Variants in ST3GAL1 observed in about 807,000 individuals in gnomAD.
ST3GAL1 encodes ST3 beta-galactoside alpha-2,3-sialyltransferase 1.
In ST3GAL1, 16 loss-of-function variants were observed where a neutral mutation model predicts 34.1. The observed-to-expected ratio is 0.47, with a 90% CI of 0.32 to 0.71. The LOEUF (loss-of-function observed/expected upper bound fraction) is 0.71. Among genes scored for constraint, ST3GAL1 ranks in the 30% least tolerant of loss-of-function variants. The probability of loss-of-function intolerance (pLI) is 0.04; values close to 1 mark genes in which losing one functional copy is unlikely to be tolerated. For missense variants in ST3GAL1, 353 were observed against 447.4 expected, an observed-to-expected ratio of 0.79 and a Z score of 1.90; for synonymous variants, 191 against 184.7, an observed-to-expected ratio of 1.03 and a Z score of -0.28.
intron 1 of ST3GAL1, among the ~76,000 whole-genome samples, chr8:133,567,946 A>G (rs1177629241): frequency 6.9e-6 from 1 of 144,474 alleles, no homozygotes; most frequent in East Asian, 2.0e-4. Context: ...TTTTTGAGAC[A>G]GTCTCACTCT....
intron 1 of ST3GAL1, among the ~76,000 whole-genome samples, chr8:133,555,071 G>C (rs1169724542): frequency 6.6e-6 from 1 of 152,122 alleles, no homozygotes; most frequent in South Asian, 2.1e-4. Context: ...GGAGACAAGG[G>C]AATGGGAAGG....
chr8:133,548,078 T>C (rs1818721130), intron 1 of ST3GAL1, among the ~76,000 whole-genome samples: 1 of 152,190 alleles, frequency 6.6e-6, no homozygotes, highest in South Asian at 2.1e-4. Flanking sequence ...ACTTAGAAGA[T>C]ACATGAACAT....
Position 133,571,601 on chromosome 8 carries a change from C to T in ST3GAL1, c.-582+92G>A, listed in dbSNP as rs1376884053. On this transcript the variant is annotated intron_variant, in intron 1 of 9. Transcript: ENST00000522652. The surrounding 1 kb of genome is among the most constrained non-coding windows in gnomAD (Gnocchi z 6.7). ...GGTCCAGACAATCAACCTTCCACTCCGAGAATCCACAGGAAACTGCCCGAG... is the reference window on the plus strand; with the variant it reads ...GGTCCAGACAATCAACCTTCCACTCTGAGAATCCACAGGAAACTGCCCGAG... The T allele has an allele frequency of 1.3e-5, 2 of 152,694 alleles. No homozygotes were observed. The highest frequency in any genetic ancestry group is 2.1e-4 in the South Asian group (1 of 4,838). The allele number at this position is 152,694 out of a possible 1,614,324, so 9.5% of individuals were successfully genotyped here.
chr8:133,536,540 T>C (rs1818316610), intron 2 of ST3GAL1, among the ~76,000 whole-genome samples: 1 of 152,176 alleles, frequency 6.6e-6, no homozygotes. Context: ...TGGTTCACCA[T>C]GGAAAGCCCC....
Position 133,541,120 on chromosome 8 carries a change from T to TATATATAGAGAG in ST3GAL1, c.-429+4653_-429+4654insCTCTCTATATAT, listed in dbSNP as rs71299078. Reference sequence around the variant, plus strand: ...ACATATATATATATATATATATATATAGAGAGAGAGAGAGAGAGAGAGAGA... The same window carrying TATATATAGAGAG: ...ACATATATATATATATATATATATATATATATAGAGAGAGAGAGAGAGAGAGAGAGAGAGAGA... On this transcript the variant is annotated intron_variant, in intron 2 of 9. Transcript: ENST00000522652. Among the ~76,000 whole-genome samples the TATATATAGAGAG allele has an allele frequency of 4.7e-4, 23 of 48,642 alleles. 1 individual carries two copies. Among genetic ancestry groups the TATATATAGAGAG allele is most frequent in the African/African-American group, 1.7e-3 (17 of 10,136 alleles). The allele number at this position is 48,642 out of a possible 152,430, so 31.9% of individuals were successfully genotyped here. A position where few individuals can be genotyped will look rare whatever the true frequency, so the allele number is the denominator to read the frequency against.
At chr8:133,521,339 C>G (rs76107155) in intron 2 of ST3GAL1, among the ~76,000 whole-genome samples, 44 of 152,102 alleles carry the variant, frequency 2.9e-4, no homozygotes, top group African/African-American at 1.1e-3. Context: ...TGCTCTATTG[C>G]CCAGGCTAGA....
At chr8:133,483,371 C>A (rs2896714) in intron 3 of ST3GAL1, among the ~76,000 whole-genome samples, 1 of 151,852 alleles carries the variant, frequency 6.6e-6, no homozygotes, top group Non-Finnish European at 1.5e-5. Flanking sequence ...AATGCTCACA[C>A]GAAGCGTTGC....
At chr8:133,542,224 A>T (rs1275509514) in intron 2 of ST3GAL1, among the ~76,000 whole-genome samples, 1 of 152,112 alleles carries the variant, frequency 6.6e-6, no homozygotes, top group Non-Finnish European at 1.5e-5. Context: ...GTTTCTAAAC[A>T]CCATTTTCCA....
chr8:133,562,746 C>T (rs1181831425), intron 1 of ST3GAL1, among the ~76,000 whole-genome samples: 2 of 151,860 alleles, frequency 1.3e-5, no homozygotes, highest in Admixed American at 6.6e-5. Flanking sequence ...TTTTGGGCTC[C>T]AGTCGAGTCT....
chr8:133,511,620 T>C (rs565640778), intron 2 of ST3GAL1, among the ~76,000 whole-genome samples: 16 of 152,198 alleles, frequency 1.1e-4, no homozygotes, highest in Admixed American at 2.6e-4. Flanking sequence ...TCCGGAGTGA[T>C]GCCAACGTGC....
At chr8:133,518,553 C>T (rs1223871611) in intron 2 of ST3GAL1, among the ~76,000 whole-genome samples, 1 of 152,200 alleles carries the variant, frequency 6.6e-6, no homozygotes, top group Non-Finnish European at 1.5e-5. Context: ...GAGACTGACA[C>T]ATACCAATTA....
intron 1 of ST3GAL1, among the ~76,000 whole-genome samples, chr8:133,554,397 A>G (rs1045174072): frequency 9.9e-5 from 15 of 152,242 alleles, no homozygotes; most frequent in South Asian, 2.1e-4. Context: ...CCCTCTGACA[A>G]TGGTGTTCCA....
At chr8:133,463,577 C>T (rs2075823) in intron 7 of ST3GAL1, 118 bp from the exon 8 acceptor site, 246,770 of 1,113,324 alleles carry the variant, frequency 0.22, 30,958 homozygotes, top group East Asian at 0.56. Context: ...TCCTGCCCCC[C>T]ATAGCTTCCC....
intron 5 of ST3GAL1, among the ~76,000 whole-genome samples, chr8:133,473,218 C>A (rs1816032858): frequency 6.6e-6 from 1 of 152,170 alleles, no homozygotes; most frequent in South Asian, 2.1e-4. Flanking sequence ...TTAGAAACCG[C>A]CCTCCCCAAG....
In ST3GAL1 at chr8:133,546,146, G is replaced by A. The variant is rs75581220; in HGVS notation, c.-581-220C>T. 9.2e-3 allele frequency among the ~76,000 whole-genome samples: 1,394 copies of A among 152,208 alleles called. 21 individuals are homozygous for A. Among genetic ancestry groups the A allele is most frequent in the African/African-American group, 0.031 (1,271 of 41,516 alleles). The stretch of plus-strand genomic sequence containing the variant: ...GGTGAGTAACTCACAACTCCTCTCC[G>A]CAGGGAGTTCAGACTGGGAGAAAAC... On this transcript the variant is annotated intron_variant, in intron 1 of 9. Coordinates refer to ENST00000522652, the MANE Select transcript of ST3GAL1 (RefSeq NM_173344.3).
In ST3GAL1 at chr8:133,463,053, G is replaced by A. The variant is rs1401372136; in HGVS notation, c.729+361C>T. 2.0e-5 allele frequency among the ~76,000 whole-genome samples: 3 copies of A among 152,240 alleles called. No individual in the cohort carries two copies. In the South Asian group the frequency reaches 6.2e-4, roughly 31 times the overall value. ...AGACATGGAAAGAGATGGAGAAGCA[G>A]GAGGTGCAGCCTGGCTTTGAGAGTA... On this transcript the variant is annotated intron_variant, in intron 8 of 9. Transcript: ENST00000522652.
chr8:133,506,959 T>TAAATAA (rs1325760204), intron 2 of ST3GAL1, among the ~76,000 whole-genome samples: 2 of 148,424 alleles, frequency 1.3e-5, no homozygotes, highest in African/African-American at 5.0e-5. Flanking sequence ...AAATAAATAA[T>TAAATAA]AAATAAAAAT....
At chr8:133,533,196 C>T (rs1818206474) in intron 2 of ST3GAL1, among the ~76,000 whole-genome samples, 1 of 152,128 alleles carries the variant, frequency 6.6e-6, no homozygotes, top group African/African-American at 2.4e-5. Context: ...CCATAGAATT[C>T]CAAACCTCAG....
chr8:133,493,358 C>T (rs1473408612), intron 3 of ST3GAL1, among the ~76,000 whole-genome samples: 1 of 152,178 alleles, frequency 6.6e-6, no homozygotes, highest in Non-Finnish European at 1.5e-5. Flanking sequence ...GGTCTAGGGA[C>T]GGCGATGGCA....
Sources: allele counts gnomAD v4.1 joint callset (sites outside exome capture counted in the v4.1 genomes callset), GRCh38; gene constraint gnomAD v4.1.1; non-coding constraint Gnocchi (gnomAD v3.1); transcripts MANE v1.5; gene names NCBI Gene and HGNC (gene_info 2026-07-23, HGNC 2026-07-21).